The following CPNE4 variants were observed in gnomAD, a reference collection of about 807,000 sequenced individuals.
The protein encoded by CPNE4 is copine 4, also known as copine-4.
CPNE4 carries 25 observed loss-of-function variants against 67.9 expected under a neutral mutation model. The ratio of observed to expected loss-of-function variants is 0.37; its 90% CI spans 0.27 to 0.51. The LOEUF (loss-of-function observed/expected upper bound fraction) is 0.51, where lower values mean the gene tolerates loss of function less well. Ranked by LOEUF, CPNE4 falls within the 20% of genes least tolerant of loss-of-function variation. CPNE4 has a pLI of 0.93. For missense variants in CPNE4, 464 were observed against 690.8 expected, an observed-to-expected ratio of 0.67 and a Z score of 3.68; for synonymous variants, 242 against 244.9, an observed-to-expected ratio of 0.99 and a Z score of 0.11.
chr3:132,004,362 T>C (rs1470795152), intron 1 of CPNE4, among the ~76,000 whole-genome samples: 1 of 152,088 alleles, frequency 6.6e-6, no homozygotes, highest in African/African-American at 2.4e-5. Context: ...ATTAATATTT[T>C]GGTGTATTAA....
At chr3:131,817,524 G>A (rs2084791943) in intron 2 of CPNE4, among the ~76,000 whole-genome samples, 1 of 152,166 alleles carries the variant, frequency 6.6e-6, no homozygotes, top group African/African-American at 2.4e-5. Context: ...GCCATTGGAG[G>A]GCTTTGGTGA....
intron 3 of CPNE4, among the ~76,000 whole-genome samples, chr3:131,716,412 A>C (rs570469646): frequency 1.8e-4 from 28 of 152,268 alleles, no homozygotes; most frequent in African/African-American, 5.8e-4. Flanking sequence ...ATTTTTACTT[A>C]AAAATAGTAT....
intron 7 of CPNE4, among the ~76,000 whole-genome samples, chr3:131,655,170 G>A (rs1026657012): frequency 8.5e-5 from 13 of 152,122 alleles, no homozygotes; most frequent in Admixed American, 1.3e-4. Flanking sequence ...CATGCTTTAC[G>A]CATGAACTCT....
At chr3:131,576,700 G>C (rs992984653) in intron 9 of CPNE4, among the ~76,000 whole-genome samples, 1 of 152,128 alleles carries the variant, frequency 6.6e-6, no homozygotes, top group Non-Finnish European at 1.5e-5. Flanking sequence ...TGAAGGGAAA[G>C]CATGGGCAAA....
At chr3:131,551,659 C>G (rs1936180198) in intron 13 of CPNE4, among the ~76,000 whole-genome samples, 1 of 151,962 alleles carries the variant, frequency 6.6e-6, no homozygotes, top group African/African-American at 2.4e-5. Context: ...CTGCTAGATG[C>G]CTTACACACT....
chr3:131,965,885 T>C (rs756246350), intron 1 of CPNE4, among the ~76,000 whole-genome samples: 1 of 152,204 alleles, frequency 6.6e-6, no homozygotes, highest in South Asian at 2.1e-4. Context: ...CTAATAGACA[T>C]CTACAGAACT....
intron 1 of CPNE4, among the ~76,000 whole-genome samples, chr3:131,978,198 T>TA (rs1163422363): frequency 6.8e-4 from 35 of 51,816 alleles, no homozygotes; most frequent in African/African-American, 5.8e-3. Context: ...ATATTTATAA[T>TA]TATTATATAT....
intron 7 of CPNE4, among the ~76,000 whole-genome samples, chr3:131,619,802 C>A (rs1559994780): frequency 6.6e-6 from 1 of 152,098 alleles, no homozygotes; most frequent in East Asian, 1.9e-4. Flanking sequence ...TTAATATACA[C>A]CCTAAATGGT....
intron 1 of CPNE4, among the ~76,000 whole-genome samples, chr3:131,933,524 G>A (rs1277460153): frequency 3.9e-5 from 6 of 152,086 alleles, no homozygotes; most frequent in Admixed American, 3.9e-4. Flanking sequence ...TCCCACTTCT[G>A]GGTACAGATC....
At chr3:131,700,053 C>CTTTTTTTTTTTT in intron 3 of CPNE4, 73 bp from the exon 4 acceptor site, 1 of 345,114 alleles carries the variant, frequency 2.9e-6, no homozygotes, top group Non-Finnish European at 4.7e-6. Context: ...ATTTTTTAAA[C>CTTTTTTTTTTTT]CTTTTTTTTT....
intron 5 of CPNE4, among the ~76,000 whole-genome samples, chr3:131,687,525 C>T (rs533543128): frequency 6.6e-6 from 1 of 152,132 alleles, no homozygotes; most frequent in Non-Finnish European, 1.5e-5. Flanking sequence ...TAGACTTTAG[C>T]AAAGTAGAAT....
chr3:131,645,190 G>T (rs1366455594), intron 7 of CPNE4, among the ~76,000 whole-genome samples: 1 of 152,202 alleles, frequency 6.6e-6, no homozygotes, highest in Non-Finnish European at 1.5e-5. Flanking sequence ...ACCTTGAAAT[G>T]GGACTCATCC....
At chr3:131,746,134 A>C (rs1434134049) in intron 2 of CPNE4, among the ~76,000 whole-genome samples, 4 of 152,080 alleles carry the variant, frequency 2.6e-5, no homozygotes, top group African/African-American at 9.7e-5. Context: ...TCAGGTTTTA[A>C]AAAATTTATC....
At chr3:131,608,494 G>C (rs968646051) in intron 7 of CPNE4, among the ~76,000 whole-genome samples, 1 of 152,166 alleles carries the variant, frequency 6.6e-6, no homozygotes, top group African/African-American at 2.4e-5. Context: ...GGAGCAGCAA[G>C]TGTGTGCTAA....
At chr3:131,706,250 T>C (rs1583052727) in intron 3 of CPNE4, among the ~76,000 whole-genome samples, 1 of 152,232 alleles carries the variant, frequency 6.6e-6, no homozygotes, top group African/African-American at 2.4e-5. Context: ...TTAGGCTAAG[T>C]ATTTTTGTTA....
intron 1 of CPNE4, among the ~76,000 whole-genome samples, chr3:131,980,820 G>A (rs1209592733): frequency 6.6e-6 from 1 of 152,130 alleles, no homozygotes; most frequent in Non-Finnish European, 1.5e-5. Context: ...ATTTGGGTAG[G>A]CTCTGTCAGA....
At position 131,917,453 on chromosome 3, in the gene CPNE4, C is replaced by T. The variant is rs149093539; in HGVS notation, c.-1-12009G>A. ...CAGACTCATGACCAGCTATCACAGA[C>T]ATTTGAGTGATGCTTTGGGGAGGAG... is the stretch of plus-strand genomic sequence containing the variant. On this transcript the variant is annotated intron_variant, in intron 1 of 15. Transcript: ENST00000429747. Among the ~76,000 whole-genome samples, 855 of 152,226 alleles carry T rather than the reference C, an allele frequency of 5.6e-3. 4 individuals carry two copies. The highest frequency in any genetic ancestry group is 8.3e-3 in the Non-Finnish European group (567 of 68,014).
chr3:131,819,946 T>C (rs532712583), intron 2 of CPNE4, among the ~76,000 whole-genome samples: 11 of 152,288 alleles, frequency 7.2e-5, no homozygotes, highest in African/African-American at 2.4e-4. Context: ...ATATTAATAA[T>C]TTCTGGAAGG....
chr3:131,686,416 C>T (rs2107681516), intron 5 of CPNE4, among the ~76,000 whole-genome samples: 1 of 152,264 alleles, frequency 6.6e-6, no homozygotes, highest in South Asian at 2.1e-4. Flanking sequence ...TTTCTTAGTT[C>T]CACCTCTTGG....
Sources: allele counts gnomAD v4.1 joint callset (sites outside exome capture counted in the v4.1 genomes callset), GRCh38; gene constraint gnomAD v4.1.1; transcripts MANE v1.5; gene names NCBI Gene and HGNC (gene_info 2026-07-23, HGNC 2026-07-21).